The following MXI1 variants were observed in gnomAD, a reference collection of about 807,000 sequenced individuals.
The protein encoded by MXI1 is MAX interactor 1, dimerization protein, also known as max-interacting protein 1.
MXI1 carries 18 observed loss-of-function variants against 36.9 expected under a neutral mutation model. That is an observed-to-expected ratio of 0.49 (90% CI 0.34 to 0.72). The LOEUF is 0.72. Among genes scored for constraint, MXI1 ranks in the 30% least tolerant of loss-of-function variants. The pLI is 0.01. For missense variants in MXI1, 304 were observed against 379.1 expected (o/e 0.80, Z 1.64); for synonymous variants, 160 against 146.7 (o/e 1.09, Z -0.65).
intron 1 of MXI1, among the ~76,000 whole-genome samples, chr10:110,212,126 A>T (rs1211399123): frequency 6.6e-6 from 1 of 152,186 alleles, no homozygotes; most frequent in African/African-American, 2.4e-5. Flanking sequence ...TAGTGTCTGG[A>T]GGAGGTTGCT....
chr10:110,255,679 TA>T (rs1856261789), intron 3 of MXI1, among the ~76,000 whole-genome samples: 1 of 152,186 alleles, frequency 6.6e-6, no homozygotes, highest in Non-Finnish European at 1.5e-5. Flanking sequence ...AAGACCTAAA[TA>T]GATGAAAAGA....
At chr10:110,234,622 C>T (rs1418008290) in intron 2 of MXI1, among the ~76,000 whole-genome samples, 1 of 152,172 alleles carries the variant, frequency 6.6e-6, no homozygotes, top group Middle Eastern at 3.4e-3. Flanking sequence ...TCATGCCTGA[C>T]TCTTAAAATG....
chr10:110,272,138 C>A (rs1856874981), intron 3 of MXI1, among the ~76,000 whole-genome samples: 1 of 152,174 alleles, frequency 6.6e-6, no homozygotes, highest in Non-Finnish European at 1.5e-5. Context: ...TTGAGCATCC[C>A]AAGTCCACAA....
At chr10:110,284,792 A>AATG (rs1857385862) in intron 5 of MXI1, 32 bp from the exon 6 acceptor site, 4 of 1,119,156 alleles carry the variant, frequency 3.6e-6, no homozygotes, top group South Asian at 3.1e-5. Flanking sequence ...CTCGATAATT[A>AATG]ATGTTCTTCT....
intron 1 of MXI1, among the ~76,000 whole-genome samples, chr10:110,223,020 C>T (rs1390353617): frequency 6.6e-6 from 1 of 152,216 alleles, no homozygotes; most frequent in Non-Finnish European, 1.5e-5. Context: ...CATCATCTCT[C>T]CCCTTCTTCA....
At chr10:110,264,468 C>T (rs527251444) in intron 3 of MXI1, among the ~76,000 whole-genome samples, 117 of 150,300 alleles carry the variant, frequency 7.8e-4, no homozygotes, top group African/African-American at 2.8e-3. Context: ...CGGGTTTAAA[C>T]GATTCTCTTG....
chr10:110,272,011 AG>A (rs1027114718), intron 3 of MXI1, among the ~76,000 whole-genome samples: 2 of 152,122 alleles, frequency 1.3e-5, no homozygotes, highest in Non-Finnish European at 2.9e-5. Context: ...CAAACCTTTG[AG>A]AGACATAATC....
At chr10:110,249,155 TTACCTTTGATC>T (rs978340122) in intron 3 of MXI1, among the ~76,000 whole-genome samples, 8 of 152,204 alleles carry the variant, frequency 5.3e-5, no homozygotes, top group African/African-American at 1.7e-4. Flanking sequence ...AATTTTGGCT[TTACCTTTGATC>T]TGCCTTTGAG....
intron 3 of MXI1, among the ~76,000 whole-genome samples, chr10:110,265,031 C>G (rs963936473): frequency 2.6e-5 from 4 of 151,148 alleles, no homozygotes; most frequent in Admixed American, 2.6e-4. Flanking sequence ...TTTTTTAGTT[C>G]GGATATGAAA....
intron 1 of MXI1, among the ~76,000 whole-genome samples, chr10:110,212,925 T>C (rs1854545339): frequency 6.6e-6 from 1 of 152,214 alleles, no homozygotes; most frequent in African/African-American, 2.4e-5. Flanking sequence ...TCACTTACAG[T>C]ATTCAATGCA....
At chr10:110,256,334 T>C (rs1856292043) in intron 3 of MXI1, among the ~76,000 whole-genome samples, 2 of 152,116 alleles carry the variant, frequency 1.3e-5, no homozygotes, top group African/African-American at 4.8e-5. Context: ...CTGGGCATGG[T>C]GGCTCATGCC....
chr10:110,270,587 T>C (rs945777028), intron 3 of MXI1, among the ~76,000 whole-genome samples: 1 of 152,192 alleles, frequency 6.6e-6, no homozygotes, highest in Non-Finnish European at 1.5e-5. Context: ...CATACACTAG[T>C]TTCTCATTTA....
chr10:110,210,505 C>T (rs1854485048), intron 1 of MXI1, among the ~76,000 whole-genome samples: 1 of 152,100 alleles, frequency 6.6e-6, no homozygotes, highest in Admixed American at 6.5e-5. Flanking sequence ...AGACCCCGCT[C>T]CAGGCCCTCG....
chr10:110,277,011 A>G (rs1857059457), intron 3 of MXI1, among the ~76,000 whole-genome samples: 1 of 151,982 alleles, frequency 6.6e-6, no homozygotes, highest in Admixed American at 6.6e-5. Context: ...ATGCGCAGCT[A>G]ACTTTTATAT....
intron 3 of MXI1, among the ~76,000 whole-genome samples, chr10:110,256,023 G>T (rs1856277859): frequency 6.6e-6 from 1 of 151,956 alleles, no homozygotes; most frequent in Non-Finnish European, 1.5e-5. Flanking sequence ...TCACATTTAT[G>T]GTCAACTAAT....
At chr10:110,267,101 G>A (rs1404757174) in intron 3 of MXI1, among the ~76,000 whole-genome samples, 1 of 152,112 alleles carries the variant, frequency 6.6e-6, no homozygotes, top group East Asian at 1.9e-4. Context: ...TTAGGAAAAG[G>A]TACACTTAGA....
intron 3 of MXI1, among the ~76,000 whole-genome samples, chr10:110,270,892 C>G (rs915193754): frequency 6.6e-6 from 1 of 152,018 alleles, no homozygotes; most frequent in African/African-American, 2.4e-5. Context: ...GAGTCCGAAA[C>G]CACCCTGGGC....
At chr10:110,245,237 GTTCA>G (rs899207946) in intron 3 of MXI1, among the ~76,000 whole-genome samples, 3 of 151,996 alleles carry the variant, frequency 2.0e-5, no homozygotes, top group Non-Finnish European at 2.9e-5. Context: ...TTTGTAATTT[GTTCA>G]TTCATTCATT....
At chr10:110,226,133 G>T in intron 1 of MXI1, 2 of 1,308,164 alleles carry the variant, frequency 1.5e-6, no homozygotes, top group East Asian at 3.2e-5. Flanking sequence ...AACGGCGCCC[G>T]GCCGTAGCCG....
Sources: allele counts gnomAD v4.1 joint callset (sites outside exome capture counted in the v4.1 genomes callset), GRCh38; gene constraint gnomAD v4.1.1; transcripts MANE v1.5; gene names NCBI Gene and HGNC (gene_info 2026-07-23, HGNC 2026-07-21).